Variants in ASB15 observed in about 807,000 individuals in gnomAD.
ASB15 encodes ankyrin repeat and SOCS box containing 15, also known as ankyrin repeat and SOCS box protein 15.
Under a neutral mutation model 58.0 loss-of-function variants are expected in ASB15, and 54 were observed. The ratio of observed to expected loss-of-function variants is 0.93; its 90% CI spans 0.75 to 1.17. ASB15 has a LOEUF of 1.17. Ranked by LOEUF, ASB15 falls within the 50% of genes most tolerant of loss-of-function variation. The probability of loss-of-function intolerance (pLI) is 0.00; values close to 1 mark genes in which losing one functional copy is unlikely to be tolerated. For missense variants in ASB15, 680 were observed against 707.4 expected (o/e 0.96, Z 0.44); for synonymous variants, 249 against 262.4 (o/e 0.95, Z 0.50).
intron 1 of ASB15, chr7:123,596,451 TA>T (rs879700116): frequency 1.3e-3 from 186 of 145,680 alleles, no homozygotes; most frequent in Middle Eastern, 3.6e-3. Context: ...ACAAAAGAAA[TA>T]AAAAAAAAAA....
chr7:123,637,217 ACT>A lies in ASB15; in HGVS notation c.*240_*241del. The A allele has an allele frequency of 3.5e-6, 1 of 281,902 alleles. No individual in the cohort carries two copies. Among genetic ancestry groups the A allele is most frequent in the Non-Finnish European group, 6.6e-6 (1 of 151,064 alleles). The allele number at this position is 281,902 out of a possible 1,614,324, so 17.5% of individuals were successfully genotyped here. A position where few individuals can be genotyped will look rare whatever the true frequency, so the allele number is the denominator to read the frequency against. ...ATCTTTGTTTGCTACAAGTCATCAAACTCTCCCTATCAAGTGGCTCCTACAAT... is the reference window on the plus strand; with the variant it reads ...ATCTTTGTTTGCTACAAGTCATCAAACTCCCTATCAAGTGGCTCCTACAAT... On this transcript the variant is annotated 3_prime_UTR_variant, in exon 12 of 12. Transcript: ENST00000451215.
In ASB15 at chr7:123,630,009, G is replaced by C; in HGVS notation, c.1484G>C (p.Gly495Ala). The C allele has an allele frequency of 1.2e-6, 2 of 1,600,636 alleles. No individual in the cohort carries two copies. The highest frequency in any genetic ancestry group is 1.7e-6 in the Non-Finnish European group (2 of 1,169,616). ...ITVPWMKHLV[G>A]RVTRVLIDYM... ...GTTCCTTGGATGAAGCACTTGGTAG[G>C]CAGAGTTACTCGTGTACTAATAGAT... Residue 495 changes from glycine (G) to alanine (A), a missense_variant, in exon 11 of 12, where the codon GGC (glycine) becomes GCC (alanine). By Grantham distance (60) the Gly-to-Ala change is moderately conservative. Transcript: ENST00000451215.
intron 1 of ASB15, among the ~76,000 whole-genome samples, chr7:123,584,324 A>T (rs553206527): frequency 2.0e-5 from 3 of 151,670 alleles, no homozygotes; most frequent in Admixed American, 2.0e-4. Context: ...AAAAAAAAAA[A>T]AAAAAGTAAG....
chr7:123,600,167 A>G (rs1168271133), upstream of ASB15, among the ~76,000 whole-genome samples: 3 of 152,160 alleles, frequency 2.0e-5, no homozygotes, highest in Admixed American at 6.5e-5. Flanking sequence ...CAGATAAATA[A>G]TCTCAAAAAT....
Position 123,636,901 on chromosome 7 carries a change from C to T in ASB15, c.1687C>T (p.Leu563Phe), listed in dbSNP as rs1353308971. 1 of 1,596,676 alleles carries T rather than the reference C, an allele frequency of 6.3e-7. No individual in the cohort carries two copies. The highest frequency in any genetic ancestry group is 1.3e-5 in the African/African-American group (1 of 74,166). ...CTGCCAGCCAGCCTCAGTGGAGAAGCTTCCTCTACCACCAGCTATTCAAAG... is the reference window on the plus strand; with the variant it reads ...CTGCCAGCCAGCCTCAGTGGAGAAGTTTCCTCTACCACCAGCTATTCAAAG... ...KLCQPASVEKLPLPPAIQRYI... is the reference protein window; with the variant it reads ...KLCQPASVEKFPLPPAIQRYI... The change falls in exon 12 of 12, where the codon CTT (leucine) becomes TTT (phenylalanine). Residue 563 changes from leucine (L) to phenylalanine (F), a missense_variant. Physicochemically the swap from Leu to Phe is conservative, Grantham distance 22. Coordinates refer to ENST00000451215, the MANE Select transcript of ASB15 (RefSeq NM_001290258.2).
Position 123,637,502 on chromosome 7 carries a change from T to G in ASB15, c.*521T>G, listed in dbSNP as rs1055124197. On this transcript the variant is annotated 3_prime_UTR_variant, in exon 12 of 12. Coordinates refer to ENST00000451215, the MANE Select transcript of ASB15 (RefSeq NM_001290258.2). ...AATCGATTCCTACAGCATCTAACAT[T>G]GTTGCCTGTTCCTTGCTTGAAATGA... 7.8e-5 allele frequency: 12 copies of G among 152,912 alleles called. No individual in the cohort carries two copies. Among genetic ancestry groups the G allele is most frequent in the African/African-American group, 2.7e-4 (11 of 41,438 alleles). 9.5% of individuals were successfully genotyped at this position (152,912 alleles called of 1,614,324 possible).
At chr7:123,618,391 G>A (rs1029959453) in intron 7 of ASB15, among the ~76,000 whole-genome samples, 5 of 152,198 alleles carry the variant, frequency 3.3e-5, no homozygotes, top group Non-Finnish European at 7.3e-5. Context: ...ACAGGGTGGT[G>A]GAGTAAGAAT....
rs1464695294 is a variant in ASB15 at position 123,614,728 on chromosome 7, T to C, written c.107+119T>C. ...AGGAAAATTGACCTTTCCTTTCTGA[T>C]AGGGAATCTAACAGCTTTCCAAGGG... On this transcript the variant is annotated intron_variant, in intron 4 of 11. Transcript: ENST00000451215. The C allele has an allele frequency of 9.6e-6, 7 of 731,024 alleles. No homozygotes were observed. In the East Asian group the frequency reaches 1.0e-4, roughly 11 times the overall value. The allele number at this position is 731,024 out of a possible 1,614,324, so 45.3% of individuals were successfully genotyped here. A position where few individuals can be genotyped will look rare whatever the true frequency, so the allele number is the denominator to read the frequency against.
upstream of ASB15, among the ~76,000 whole-genome samples, chr7:123,600,554 A>G (rs1379770496): frequency 1.3e-5 from 2 of 152,228 alleles, no homozygotes; most frequent in Non-Finnish European, 2.9e-5. Context: ...ATTGCTTTTC[A>G]CAAGAATTCT....
At chr7:123,581,167 G>A (rs1799223947) in intron 1 of ASB15, among the ~76,000 whole-genome samples, 1 of 151,882 alleles carries the variant, frequency 6.6e-6, no homozygotes, top group South Asian at 2.1e-4. Context: ...TTCTCTGAGA[G>A]CATGAATGTT....
At chr7:123,622,232 T>G (rs1053267614) in intron 7 of ASB15, among the ~76,000 whole-genome samples, 3 of 152,054 alleles carry the variant, frequency 2.0e-5, no homozygotes, top group Non-Finnish European at 4.4e-5. Context: ...CTGAAAAAAT[T>G]CTAAAGAATT....
At chr7:123,615,786 TAG>T (rs1301726949) in intron 4 of ASB15, among the ~76,000 whole-genome samples, 2 of 152,168 alleles carry the variant, frequency 1.3e-5, no homozygotes, top group Non-Finnish European at 2.9e-5. Context: ...TTTTTGAGCA[TAG>T]AGTGTTTAAA....
chr7:123,576,483 C>A (rs1372789385), intron 1 of ASB15, among the ~76,000 whole-genome samples: 1 of 151,882 alleles, frequency 6.6e-6, no homozygotes, highest in Non-Finnish European at 1.5e-5. Context: ...TATATTTGTG[C>A]CATAGGAATT....
chr7:123,601,710 T>C (rs2116408882), upstream of ASB15: 1 of 152,226 alleles, frequency 6.6e-6, no homozygotes, highest in South Asian at 2.1e-4. Flanking sequence ...TTTCTTTTGA[T>C]GAGAGTCTAG....
rs767246464 is a variant in ASB15, at chr7:123,628,970, C to G, written c.976C>G (p.Leu326Val). ...ADGQNAQCLE[L>V]LIENGFDVNT... ...TGGACAAAATGCACAGTGTCTAGAA[C>G]TGCTCATTGAAAATGGTTTTGATGT... The change falls in exon 10 of 12, where the codon CTG (leucine) becomes GTG (valine). Residue 326 changes from leucine to valine, a missense_variant. Coordinates refer to ENST00000451215, the MANE Select transcript of ASB15 (RefSeq NM_001290258.2). The G allele has an allele frequency of 5.0e-6, 8 of 1,612,526 alleles. No individual in the cohort carries two copies. The Admixed American group carries it at 1.3e-4, about 27-fold the overall frequency.
At chr7:123,598,196 A>T (rs1019144256), upstream of ASB15, among the ~76,000 whole-genome samples, 1 of 152,106 alleles carries the variant, frequency 6.6e-6, no homozygotes, top group Non-Finnish European at 1.5e-5. Flanking sequence ...TGGAAGTATA[A>T]TATACTTTTA....
chr7:123,611,551 C>G (rs1333697514), intron 3 of ASB15, among the ~76,000 whole-genome samples: 1 of 152,178 alleles, frequency 6.6e-6, no homozygotes, highest in East Asian at 1.9e-4. Context: ...CCGCCTTGGC[C>G]TCCCAAAGTA....
At chr7:123,594,737 G>A (rs530171914) in intron 1 of ASB15, among the ~76,000 whole-genome samples, 1 of 152,252 alleles carries the variant, frequency 6.6e-6, no homozygotes, top group Admixed American at 6.5e-5. Flanking sequence ...GCTACACGGG[G>A]GTCAGGGACC....
intron 6 of ASB15, among the ~76,000 whole-genome samples, chr7:123,617,135 C>T (rs1182867456): frequency 3.3e-5 from 5 of 152,112 alleles, no homozygotes; most frequent in Non-Finnish European, 5.9e-5. Context: ...AGCCAGCCAT[C>T]TAGAAAACTA....
Sources: allele counts gnomAD v4.1 joint callset (sites outside exome capture counted in the v4.1 genomes callset), GRCh38; gene constraint gnomAD v4.1.1; transcripts MANE v1.5; gene names NCBI Gene and HGNC (gene_info 2026-07-23, HGNC 2026-07-21).